The following SLC35F3 variants were observed in gnomAD, a reference collection of about 807,000 sequenced individuals.
The protein encoded by SLC35F3 is solute carrier family 35 member F3, also known as putative thiamine transporter SLC35F3.
SLC35F3 carries 25 observed loss-of-function variants against 49.9 expected under a neutral mutation model. That is an observed-to-expected ratio of 0.50 (90% CI 0.37 to 0.70). SLC35F3 has a LOEUF of 0.70. Ranked by LOEUF, SLC35F3 falls within the 30% of genes least tolerant of loss-of-function variation. SLC35F3 has a pLI of 0.00. For synonymous variants in SLC35F3, 275 were observed against 265.4 expected, an observed-to-expected ratio of 1.04 and a Z score of -0.35; for missense variants, 525 against 639.8, an observed-to-expected ratio of 0.82 and a Z score of 1.94.
chr1:234,305,247 G>A (rs925482189), intron 3 of SLC35F3, among the ~76,000 whole-genome samples: 1 of 152,180 alleles, frequency 6.6e-6, no homozygotes, highest in Non-Finnish European at 1.5e-5. Context: ...ATTCTTTAAA[G>A]AGTACTAAGA....
chr1:233,981,425 T>G (rs1663182167), intron 2 of SLC35F3, among the ~76,000 whole-genome samples: 1 of 152,256 alleles, frequency 6.6e-6, no homozygotes, highest in South Asian at 2.1e-4. Flanking sequence ...AATCTCATCT[T>G]CTGAGACTGG....
chr1:234,291,473 A>AT lies in SLC35F3; in HGVS notation c.609-17620dup, dbSNP rs915442504. On this transcript the variant is annotated intron_variant, in intron 3 of 7. Transcript: ENST00000366618. ...GTAGCACAGAGCTGCACTAGAGGAT[A>AT]TTTTTTTTAAGAGATGGAGTCTTGC... Among the ~76,000 whole-genome samples the AT allele has an allele frequency of 5.3e-5, 8 of 152,044 alleles. No individual in the cohort carries two copies. The South Asian group carries it at 1.0e-3, about 20-fold the overall frequency.
chr1:234,045,624 AG>A (rs1209443527), intron 2 of SLC35F3, among the ~76,000 whole-genome samples: 3 of 152,178 alleles, frequency 2.0e-5, no homozygotes, highest in Admixed American at 2.0e-4. Flanking sequence ...TAAGATACAA[AG>A]AAGAGTACAC....
In SLC35F3 at chr1:234,291,385, A is replaced by G. The variant is rs115272710; in HGVS notation, c.609-17716A>G. ...AGACCACATGGTGAGGCCCTTGGCT[A>G]GAGCTTGGGGAGAGTCAGAGTAGAG... On this transcript the variant is annotated intron_variant, in intron 3 of 7. Coordinates refer to ENST00000366618, the MANE Select transcript of SLC35F3 (RefSeq NM_173508.4). Among the ~76,000 whole-genome samples the G allele has an allele frequency of 8.3e-3, 1,260 of 152,326 alleles. 16 individuals carry two copies. The highest frequency in any genetic ancestry group is 0.028 in the African/African-American group (1,171 of 41,566).
At chr1:234,124,852 CAA>C (rs35219693) in intron 2 of SLC35F3, among the ~76,000 whole-genome samples, 28,009 of 152,118 alleles carry the variant, frequency 0.18, 3,292 homozygotes, top group Non-Finnish European at 0.27. Flanking sequence ...TCTTTAAAAA[CAA>C]GAGAGAAATT....
chr1:233,912,980 C>A (rs754822970), intron 2 of SLC35F3, among the ~76,000 whole-genome samples: 91 of 152,264 alleles, frequency 6.0e-4, no homozygotes, highest in Non-Finnish European at 1.2e-3. Flanking sequence ...TACTTTGTGC[C>A]AGAATGCAGA....
chr1:234,007,540 T>G (rs1663648833), intron 2 of SLC35F3, among the ~76,000 whole-genome samples: 1 of 152,362 alleles, frequency 6.6e-6, no homozygotes, highest in African/African-American at 2.4e-5. Context: ...TTTGCTTTTA[T>G]GCCGAACGAA....
chr1:234,287,453 T>C (rs1398458238), intron 3 of SLC35F3, among the ~76,000 whole-genome samples: 2 of 152,164 alleles, frequency 1.3e-5, no homozygotes, highest in African/African-American at 4.8e-5. Flanking sequence ...AGGTTGACTA[T>C]TGAGCCTTCC....
chr1:234,205,589 TGA>T (rs1223172116), intron 2 of SLC35F3, among the ~76,000 whole-genome samples: 1 of 152,196 alleles, frequency 6.6e-6, no homozygotes, highest in African/African-American at 2.4e-5. Context: ...GAAGCCAGTC[TGA>T]GGGGCAGAAA....
chr1:234,129,065 G>A (rs1029833767), intron 2 of SLC35F3, among the ~76,000 whole-genome samples: 14 of 152,330 alleles, frequency 9.2e-5, no homozygotes, highest in African/African-American at 2.9e-4. Context: ...GAGTGAAGTC[G>A]TTGGTTTGCA....
At chr1:234,319,827 C>G (rs1211930190) in intron 6 of SLC35F3, among the ~76,000 whole-genome samples, 1 of 152,162 alleles carries the variant, frequency 6.6e-6, no homozygotes, top group Non-Finnish European at 1.5e-5. Flanking sequence ...TAAGATGGTC[C>G]CAGTCACCTT....
intron 2 of SLC35F3, among the ~76,000 whole-genome samples, chr1:234,216,409 G>A (rs1667122426): frequency 1.3e-5 from 2 of 152,184 alleles, no homozygotes; most frequent in South Asian, 2.1e-4. Context: ...TGGCCTCAGA[G>A]GTGCTGCAGG....
intron 2 of SLC35F3, among the ~76,000 whole-genome samples, chr1:233,935,315 T>G (rs980686052): frequency 2.1e-5 from 3 of 144,628 alleles, no homozygotes; most frequent in African/African-American, 7.7e-5. Context: ...TGGACACACA[T>G]CTTTTTGTGT....
intron 2 of SLC35F3, among the ~76,000 whole-genome samples, chr1:234,142,427 C>T (rs1192395908): frequency 6.6e-6 from 1 of 152,100 alleles, no homozygotes; most frequent in Non-Finnish European, 1.5e-5. Context: ...GGAATAGAGC[C>T]GTTTTGTCCA....
chr1:234,295,057 G>A (rs113569671), intron 3 of SLC35F3, among the ~76,000 whole-genome samples: 2 of 152,260 alleles, frequency 1.3e-5, no homozygotes, highest in African/African-American at 2.4e-5. Flanking sequence ...GAAATGTCAT[G>A]ATTGTCTAGC....
chr1:233,979,449 T>A (rs1367209281), intron 2 of SLC35F3, among the ~76,000 whole-genome samples: 9 of 152,232 alleles, frequency 5.9e-5, no homozygotes, highest in Admixed American at 5.9e-4. Context: ...CATTTTGTCC[T>A]TATATTTGGC....
At chr1:234,150,639 G>T (rs1666061907) in intron 2 of SLC35F3, among the ~76,000 whole-genome samples, 1 of 152,190 alleles carries the variant, frequency 6.6e-6, no homozygotes, top group Non-Finnish European at 1.5e-5. Context: ...CGAAAGGTCA[G>T]ACAGGTATGG....
intron 2 of SLC35F3, among the ~76,000 whole-genome samples, chr1:234,153,936 G>T (rs1347688522): frequency 1.3e-5 from 2 of 152,104 alleles, no homozygotes; most frequent in Non-Finnish European, 2.9e-5. Flanking sequence ...GGCGGCAGGC[G>T]CCTGTAGTCC....
chr1:234,081,362 A>G (rs527800126), intron 2 of SLC35F3, among the ~76,000 whole-genome samples: 28 of 152,362 alleles, frequency 1.8e-4, no homozygotes, highest in South Asian at 6.2e-4. Flanking sequence ...TAATAGTACT[A>G]GAGAATCTCA....
Sources: gnomAD v4.1 joint callset for allele counts (sites outside exome capture counted in the v4.1 genomes callset) on GRCh38, gnomAD v4.1.1 for gene constraint, MANE v1.5 for transcripts, NCBI Gene and HGNC (gene_info 2026-07-23, HGNC 2026-07-21) for gene names.